PRKCA: variants seen among roughly 807,000 people sequenced by gnomAD.
PRKCA encodes protein kinase C alpha type.
PRKCA carries 27 observed loss-of-function variants against 87.0 expected under a neutral mutation model. That is an observed-to-expected ratio of 0.31 (90% CI 0.23 to 0.43). PRKCA has a LOEUF of 0.43. PRKCA is among the 20% of genes least tolerant of loss of function. The pLI, the probability that PRKCA is intolerant of heterozygous loss-of-function variation, is 1.00. For missense variants in PRKCA, 518 were observed against 852.3 expected, an observed-to-expected ratio of 0.61 and a Z score of 4.88; for synonymous variants, 329 against 311.1, an observed-to-expected ratio of 1.06 and a Z score of -0.61.
At chr17:66,459,180 C>T (rs935022991) in intron 2 of PRKCA, among the ~76,000 whole-genome samples, 2 of 150,000 alleles carry the variant, frequency 1.3e-5, no homozygotes, top group Non-Finnish European at 3.0e-5. Context: ...CAAGTCCAGC[C>T]TGGGCCATCT....
At chr17:66,461,538 A>T (rs1051920676) in intron 2 of PRKCA, among the ~76,000 whole-genome samples, 2 of 152,182 alleles carry the variant, frequency 1.3e-5, no homozygotes, top group South Asian at 4.1e-4. Context: ...GTGCTATGAT[A>T]ATTCCCCTAG....
intron 2 of PRKCA, among the ~76,000 whole-genome samples, chr17:66,493,333 A>G (rs374479480): frequency 5.0e-5 from 7 of 140,718 alleles, no homozygotes; most frequent in Non-Finnish European, 9.2e-5. Context: ...GTGTATGTCT[A>G]TTTTGTCATA....
At chr17:66,569,601 G>A (rs1437151363) in intron 3 of PRKCA, among the ~76,000 whole-genome samples, 1 of 93,154 alleles carries the variant, frequency 1.1e-5, no homozygotes, top group Non-Finnish European at 2.0e-5. Flanking sequence ...CTACAGATCA[G>A]TAAGAAAGAC....
At chr17:66,414,132 C>T (rs147215515) in intron 2 of PRKCA, among the ~76,000 whole-genome samples, 16 of 152,096 alleles carry the variant, frequency 1.1e-4, no homozygotes, top group African/African-American at 3.9e-4. Flanking sequence ...TAAATGTATA[C>T]CAGTGATATG....
intron 3 of PRKCA, among the ~76,000 whole-genome samples, chr17:66,611,495 A>G (rs927502072): frequency 2.0e-5 from 3 of 152,176 alleles, no homozygotes; most frequent in Non-Finnish European, 2.9e-5. Context: ...GGGTTCATCC[A>G]TGTTGTAGCA....
intron 2 of PRKCA, among the ~76,000 whole-genome samples, chr17:66,325,290 A>C (rs1381554363): frequency 6.6e-6 from 1 of 152,192 alleles, no homozygotes; most frequent in Non-Finnish European, 1.5e-5. Flanking sequence ...GCAGCATGTA[A>C]AATGTTAAAT....
intron 2 of PRKCA, among the ~76,000 whole-genome samples, chr17:66,480,368 A>G (rs969441726): frequency 3.3e-5 from 5 of 152,166 alleles, no homozygotes; most frequent in Admixed American, 6.5e-5. Context: ...TACTTGATAT[A>G]AGAGAGGTAA....
intron 3 of PRKCA, among the ~76,000 whole-genome samples, chr17:66,635,732 G>A (rs1384500329): frequency 6.6e-6 from 1 of 152,146 alleles, no homozygotes; most frequent in Non-Finnish European, 1.5e-5. Context: ...TAATACATAT[G>A]TAGTACAGTA....
chr17:66,588,419 G>C (rs1054099841), intron 3 of PRKCA, among the ~76,000 whole-genome samples: 2 of 151,892 alleles, frequency 1.3e-5, no homozygotes, highest in African/African-American at 4.8e-5. Flanking sequence ...CTTCTGCTGG[G>C]ATTTGACATT....
intron 5 of PRKCA, among the ~76,000 whole-genome samples, chr17:66,671,206 T>A: frequency 3.4e-5 from 1 of 28,990 alleles, no homozygotes; most frequent in African/African-American, 1.4e-4. Flanking sequence ...GGGAGACTCA[T>A]CTCAAAAAAA....
Position 66,803,334 on chromosome 17 carries a change from C to G in PRKCA, c.1855-539C>G, listed in dbSNP as rs567655330. 1.6e-4 allele frequency among the ~76,000 whole-genome samples: 24 copies of G among 152,234 alleles called. No homozygotes were observed. The highest frequency in any genetic ancestry group is 3.2e-4 in the Non-Finnish European group (22 of 68,042). On this transcript the variant is annotated intron_variant, in intron 16 of 16. Transcript: ENST00000413366. This position sits in a 1 kb window ranked among gnomAD's most constrained non-coding sequence, Gnocchi z 4.4. ...TTGCCGCCACACCTACCTCATATCG[C>G]TTGAAGCTTAATTTAGGGGCTGGGG...
At chr17:66,452,100 G>A (rs952582215) in intron 2 of PRKCA, among the ~76,000 whole-genome samples, 8 of 152,140 alleles carry the variant, frequency 5.3e-5, no homozygotes, top group African/African-American at 7.2e-5. Context: ...AGCAGGGTGC[G>A]TCCAAGCTGA....
At chr17:66,308,052 G>T (rs1236063247) in intron 2 of PRKCA, among the ~76,000 whole-genome samples, 2 of 152,130 alleles carry the variant, frequency 1.3e-5, no homozygotes, top group Non-Finnish European at 2.9e-5. Flanking sequence ...TGCATGTGTG[G>T]ATGTATCCAA....
chr17:66,734,436 T>G (rs1973975380), intron 9 of PRKCA, among the ~76,000 whole-genome samples: 1 of 152,192 alleles, frequency 6.6e-6, no homozygotes, highest in Non-Finnish European at 1.5e-5. Context: ...ATAAGGTAAC[T>G]TCTGGGCATT....
At chr17:66,551,186 G>A (rs1399129069) in intron 3 of PRKCA, among the ~76,000 whole-genome samples, 2 of 152,164 alleles carry the variant, frequency 1.3e-5, no homozygotes, top group East Asian at 1.9e-4. Context: ...CCTTAGCCCT[G>A]TGAGTAGCTG....
At chr17:66,771,315 C>A (rs1298553437) in intron 13 of PRKCA, among the ~76,000 whole-genome samples, 1 of 152,112 alleles carries the variant, frequency 6.6e-6, no homozygotes, top group Non-Finnish European at 1.5e-5. Flanking sequence ...AGCAATGTGT[C>A]TTAAAAAGTT....
chr17:66,685,419 T>C (rs536672566), intron 5 of PRKCA, among the ~76,000 whole-genome samples: 17 of 152,250 alleles, frequency 1.1e-4, no homozygotes, highest in Non-Finnish European at 2.4e-4. Flanking sequence ...CTCCCTGAGA[T>C]GAATGAGGTT....
chr17:66,562,543 T>C (rs1243842442), intron 3 of PRKCA, among the ~76,000 whole-genome samples: 3 of 152,056 alleles, frequency 2.0e-5, no homozygotes, highest in African/African-American at 7.2e-5. Context: ...CAGCTGGGGT[T>C]ATCTGATATT....
intron 14 of PRKCA, among the ~76,000 whole-genome samples, chr17:66,784,860 G>T (rs1350279876): frequency 2.0e-5 from 3 of 152,136 alleles, no homozygotes; most frequent in Admixed American, 1.3e-4. Context: ...GCACCCCCTG[G>T]TGGGTGCCCC....
Sources: allele counts gnomAD v4.1 joint callset (sites outside exome capture counted in the v4.1 genomes callset), GRCh38; gene constraint gnomAD v4.1.1; non-coding constraint Gnocchi (gnomAD v3.1); transcripts MANE v1.5; gene names NCBI Gene and HGNC (gene_info 2026-07-23, HGNC 2026-07-21).